The following AQR variants were observed in gnomAD, a reference collection of about 807,000 sequenced individuals.
The protein encoded by AQR is aquarius intron-binding spliceosomal factor, also known as RNA helicase aquarius.
A neutral mutation model predicts 180.5 loss-of-function variants in AQR; 61 were observed. The ratio of observed to expected loss-of-function variants is 0.34; its 90% CI spans 0.28 to 0.42. AQR has a LOEUF of 0.42. AQR is among the 10% of genes least tolerant of loss of function. AQR has a pLI of 1.00. For synonymous variants in AQR, 551 were observed against 588.8 expected (o/e 0.94, Z 0.93); for missense variants, 1,281 against 1,798.3 (o/e 0.71, Z 5.20).
At chr15:34,916,103 T>C (rs763718312) in intron 15 of AQR, among the ~76,000 whole-genome samples, 24 of 152,232 alleles carry the variant, frequency 1.6e-4, no homozygotes, top group Non-Finnish European at 3.2e-4. Flanking sequence ...CTTCTTCCCT[T>C]ATCACCTAAT....
intron 9 of AQR, among the ~76,000 whole-genome samples, chr15:34,937,290 G>A: frequency 6.6e-6 from 1 of 152,106 alleles, no homozygotes; most frequent in East Asian, 1.9e-4. Context: ...CTCCCAAAGT[G>A]CTGGGATTAC....
intron 33 of AQR, among the ~76,000 whole-genome samples, chr15:34,862,666 G>A (rs1287610264): frequency 6.6e-6 from 1 of 152,020 alleles, no homozygotes; most frequent in Non-Finnish European, 1.5e-5. Flanking sequence ...CCAAAGTGCT[G>A]GGATTACAGG....
At chr15:34,925,204 A>G (rs936054852) in intron 13 of AQR, among the ~76,000 whole-genome samples, 1 of 152,220 alleles carries the variant, frequency 6.6e-6, no homozygotes, top group African/African-American at 2.4e-5. Flanking sequence ...GCAAAATAGC[A>G]AAGGAAAATA....
intron 27 of AQR, 33 bp from the exon 28 acceptor site, chr15:34,876,039 C>G: frequency 1.3e-6 from 2 of 1,538,372 alleles, no homozygotes; most frequent in Non-Finnish European, 1.8e-6. Flanking sequence ...ATAAAGACAG[C>G]TTAAAAGTCA....
At chr15:34,948,767 A>G (rs565069219) in intron 4 of AQR, among the ~76,000 whole-genome samples, 6 of 150,840 alleles carry the variant, frequency 4.0e-5, no homozygotes, top group Non-Finnish European at 5.9e-5. Flanking sequence ...ACTACACTCC[A>G]GCCTGGCCAA....
intron 1 of AQR, among the ~76,000 whole-genome samples, chr15:34,969,088 T>C (rs1490900687): frequency 6.6e-6 from 1 of 152,176 alleles, no homozygotes; most frequent in African/African-American, 2.4e-5. Flanking sequence ...TGGAGGTGTC[T>C]TGTCAGTTTC....
At chr15:34,900,539 C>T (rs1893315935) in intron 20 of AQR, 83 bp downstream of exon 20, 1 of 1,510,244 alleles carries the variant, frequency 6.6e-7, no homozygotes, top group Non-Finnish European at 8.9e-7. Context: ...GTACTCAAAA[C>T]TCACTTTAGC....
intron 33 of AQR, among the ~76,000 whole-genome samples, chr15:34,862,453 C>A (rs1045292939): frequency 6.6e-6 from 1 of 152,108 alleles, no homozygotes; most frequent in African/African-American, 2.4e-5. Flanking sequence ...AATCTAATAA[C>A]CTAATAGGCT....
At chr15:34,886,449 T>A in intron 25 of AQR, 77 bp downstream of exon 25, 1 of 1,461,258 alleles carries the variant, frequency 6.8e-7, no homozygotes, top group South Asian at 1.4e-5. Flanking sequence ...TCATGAAGGA[T>A]CACAAGAACT....
chr15:34,935,518 G>C (rs117320335), intron 9 of AQR, among the ~76,000 whole-genome samples: 3,792 of 152,314 alleles, frequency 0.025, 71 homozygotes, highest in Middle Eastern at 0.071. Context: ...TTTATTTGTA[G>C]TGTACAGGAA....
At position 34,904,429 on chromosome 15, in the gene AQR, T is replaced by C. The variant is rs747549614; in HGVS notation, c.1908A>G (p.Gln636=). 1 of 1,612,320 alleles carries C rather than the reference T, an allele frequency of 6.2e-7. No homozygotes were observed. The highest frequency in any genetic ancestry group is 1.1e-5 in the South Asian group (1 of 90,832). ...RVFLDPNQYQ[Q]DMTNTIQNGA... ...CATTTTGTATAGTATTGGTCATATC[T>C]TGTTGATACTGGTTTGGATCCAAAA... Residue 636 remains glutamine, a synonymous_variant, in exon 19 of 35, where the codon CAA becomes CAG. Transcript: ENST00000156471.
In AQR at chr15:34,914,987, T is replaced by A. The variant is rs1337770898; in HGVS notation, c.1484+51A>T. Reference sequence around the variant, plus strand: ...ACTTATAAGGTTTCTGACAGAAGTTTATCAGTCACTGTTTGCATCTCTTCA... The same window carrying A: ...ACTTATAAGGTTTCTGACAGAAGTTAATCAGTCACTGTTTGCATCTCTTCA... On this transcript the variant is annotated intron_variant, in intron 16 of 34. Coordinates refer to ENST00000156471, the MANE Select transcript of AQR (RefSeq NM_014691.3). 3 of 1,523,606 alleles carry A rather than the reference T, an allele frequency of 2.0e-6. No individual in the cohort carries two copies. In the East Asian group the frequency reaches 6.9e-5, roughly 35 times the overall value. The allele number at this position is 1,523,606 out of a possible 1,614,324, so 94.4% of individuals were successfully genotyped here. A position where few individuals can be genotyped will look rare whatever the true frequency, so the allele number is the denominator to read the frequency against.
intron 33 of AQR, among the ~76,000 whole-genome samples, chr15:34,862,090 TGGA>T (rs1475611178): frequency 6.6e-6 from 1 of 152,072 alleles, no homozygotes; most frequent in Admixed American, 6.5e-5. Context: ...TGGTTACCTA[TGGA>T]GGGAAGGTGC....
At chr15:34,958,409 G>C (rs1156450170) in intron 3 of AQR, among the ~76,000 whole-genome samples, 1 of 152,064 alleles carries the variant, frequency 6.6e-6, no homozygotes, top group Admixed American at 6.6e-5. Context: ...CCAGCTACTC[G>C]GGAGGCTAAG....
intron 26 of AQR, among the ~76,000 whole-genome samples, chr15:34,882,871 T>C (rs567234659): frequency 5.9e-5 from 9 of 152,298 alleles, no homozygotes; most frequent in African/African-American, 1.7e-4. Flanking sequence ...ATATGTACTA[T>C]ATAAACAAGA....
chr15:34,897,789 A>G, intron 20 of AQR, 84 bp from the exon 21 acceptor site: 1 of 1,416,062 alleles, frequency 7.1e-7, no homozygotes, highest in Non-Finnish European at 9.8e-7. Flanking sequence ...TGTATGCACG[A>G]TAATCAGAGG....
At position 34,910,328 on chromosome 15, in the gene AQR, A is replaced by G; in HGVS notation, c.1485-15T>C. The G allele has an allele frequency of 6.2e-7, 1 of 1,608,396 alleles. No homozygotes were observed. Among genetic ancestry groups the G allele is most frequent in the Non-Finnish European group, 8.5e-7 (1 of 1,175,416 alleles). On this transcript the variant is annotated splice_polypyrimidine_tract_variant and intron_variant, in intron 16 of 34. Transcript: ENST00000156471. ...ATTCAGATTGCCTGAAACCAAAGAAATGGATGATTACTCAAACAAAAAATA... is the reference window on the plus strand; with the variant it reads ...ATTCAGATTGCCTGAAACCAAAGAAGTGGATGATTACTCAAACAAAAAATA...
In AQR at chr15:34,874,523, G is replaced by A. The variant is rs1337113000; in HGVS notation, c.3425+154C>T. The A allele has an allele frequency of 4.2e-6, 3 of 708,976 alleles. No homozygotes were observed. In the African/African-American group the frequency reaches 5.5e-5, roughly 13 times the overall value. The allele number at this position is 708,976 out of a possible 1,614,324, so 43.9% of individuals were successfully genotyped here. A position where few individuals can be genotyped will look rare whatever the true frequency, so the allele number is the denominator to read the frequency against. On this transcript the variant is annotated intron_variant, in intron 29 of 34. Transcript: ENST00000156471. ...ATTATTTGGTCCATTCACATCTCTTGCAGAAGTCGACAAAAGTGCTTTTGG... is the reference window on the plus strand; with the variant it reads ...ATTATTTGGTCCATTCACATCTCTTACAGAAGTCGACAAAAGTGCTTTTGG...
At chr15:34,895,190 ATATATATATATATATAT>A (rs1893222831) in intron 22 of AQR, among the ~76,000 whole-genome samples, 1 of 52,302 alleles carries the variant, frequency 1.9e-5, no homozygotes, top group Admixed American at 1.9e-4. Flanking sequence ...AAAAAAAAAT[ATATATATATATATATAT>A]ATATATATAT....
Sources: allele counts gnomAD v4.1 joint callset (sites outside exome capture counted in the v4.1 genomes callset), GRCh38; gene constraint gnomAD v4.1.1; transcripts MANE v1.5; gene names NCBI Gene and HGNC (gene_info 2026-07-23, HGNC 2026-07-21).